Variants in KIAA1210 observed in about 807,000 individuals in gnomAD.
The protein encoded by KIAA1210 is KIAA1210, also known as acrosomal protein KIAA1210.
A neutral mutation model predicts 78.9 loss-of-function variants in KIAA1210; 48 were observed. The observed-to-expected ratio is 0.61, with a 90% CI of 0.48 to 0.77. The LOEUF is 0.77. KIAA1210 is among the 30% of genes least tolerant of loss of function. KIAA1210 has a pLI of 0.00. For synonymous variants in KIAA1210, 406 were observed against 404.5 expected (o/e 1.00, Z -0.04); for missense variants, 1,108 against 1,100.0 (o/e 1.01, Z -0.10).
In KIAA1210 at chrX:119,086,718, G is replaced by A. The variant is rs754496853; in HGVS notation, c.3984C>T (p.Pro1328=). 22 of 1,211,224 alleles carry A rather than the reference G, an allele frequency of 1.8e-5. 1 individual carries two copies. In the East Asian group the frequency reaches 6.5e-4, roughly 36 times the overall value. ...QDNFTQLASV[P]SGPISSSVGR... ...CTACAGAGGATGAAATTGGGCCCGA[G>A]GGCACTGAAGCAAGCTGGGTGAAGT... Residue 1328 remains proline, a synonymous_variant, in exon 9 of 12, where the codon CCC becomes CCT. Transcript: ENST00000691062.
chrX:119,095,482 G>A (rs894293634), intron 7 of KIAA1210, among the ~76,000 whole-genome samples: 17 of 111,026 alleles, frequency 1.5e-4, no homozygotes, highest in Admixed American at 9.6e-4. Flanking sequence ...TCCACCTCCC[G>A]GGTTCAAGCA....
intron 1 of KIAA1210, among the ~76,000 whole-genome samples, chrX:119,125,735 A>ATATATTT (rs5903546): frequency 6.3e-5 from 1 of 15,806 alleles, no homozygotes; most frequent in Non-Finnish European, 1.0e-4. Context: ...ATATATATAT[A>ATATATTT]TTTTTTTTTT....
At chrX:119,097,255 G>A (rs981774704) in intron 6 of KIAA1210, among the ~76,000 whole-genome samples, 6 of 111,658 alleles carry the variant, frequency 5.4e-5, no homozygotes, top group African/African-American at 2.0e-4. Flanking sequence ...GGAACTGAAT[G>A]CTCTAACCTC....
At position 119,087,731 on chromosome X, in the gene KIAA1210, C is replaced by T; in HGVS notation, c.2971G>A (p.Val991Ile). ...TCTAGTCGTGAGGTCATTTCCTGAA[C>T]TTTAGACCTCTTTAAGAACTGGGTA... ...YATQFLKRSKVQEMTSRLEKM... is the reference protein window; with the variant it reads ...YATQFLKRSKIQEMTSRLEKM... Residue 991 changes from valine (V) to isoleucine (I), a missense_variant, in exon 9 of 12, where the codon GTT (valine) becomes ATT (isoleucine). Val to Ile is a conservative substitution (Grantham distance 29, BLOSUM62 3). This residue lies in a region of KIAA1210 where 179 missense variants were observed against 174.1 expected (regional missense o/e 1.03). Transcript: ENST00000691062. 8.3e-7 allele frequency: 1 copy of T among 1,211,412 alleles called. No individual in the cohort carries two copies.
intron 2 of KIAA1210, among the ~76,000 whole-genome samples, chrX:119,119,180 T>C (rs1928367272): frequency 8.9e-6 from 1 of 112,615 alleles, no homozygotes; most frequent in Non-Finnish European, 1.9e-5. Context: ...TGAGCTAGTG[T>C]TAGGGACTCA....
intron 3 of KIAA1210, among the ~76,000 whole-genome samples, chrX:119,113,071 A>T (rs1928133059): frequency 8.9e-6 from 1 of 111,743 alleles, no homozygotes; most frequent in African/African-American, 3.3e-5. Flanking sequence ...TAATGAGTAC[A>T]AGAAGTCAAT....
In KIAA1210 at chrX:119,081,507, G is replaced by A. The variant is rs1276621624; in HGVS notation, c.4427-3C>T. The A allele has an allele frequency of 1.7e-6, 2 of 1,201,052 alleles. No individual in the cohort carries two copies. Among genetic ancestry groups the A allele is most frequent in the African/African-American group, 3.5e-5 (2 of 56,616 alleles). ...TATCTTCTGAGCTTCAAATCCAACT[G>A]GAACCACAGCAAATAACACACAAGC... On this transcript the variant is annotated splice_polypyrimidine_tract_variant and splice_region_variant and intron_variant, in intron 11 of 11. Transcript: ENST00000691062.
At chrX:119,141,549 A>G (rs7892463) in intron 2 of KIAA1210, among the ~76,000 whole-genome samples, 40,899 of 111,244 alleles carry the variant, frequency 0.37, 5,672 homozygotes, top group East Asian at 0.69. Context: ...TGTTTGTAGC[A>G]AGAAATATGG....
chrX:119,144,264 C>G (rs374610070), intron 2 of KIAA1210, among the ~76,000 whole-genome samples: 20 of 112,564 alleles, frequency 1.8e-4, no homozygotes, highest in African/African-American at 5.5e-4. Context: ...GGCCTAACAT[C>G]GTGAGGAACT....
At chrX:119,131,328 G>T (rs191534427), upstream of KIAA1210, among the ~76,000 whole-genome samples, 1 of 111,444 alleles carries the variant, frequency 9.0e-6, no homozygotes, top group Non-Finnish European at 1.9e-5. Context: ...TCACTTATAC[G>T]TGGGAGCTAA....
At chrX:119,135,541 G>A (rs1928891974) in intron 2 of KIAA1210, among the ~76,000 whole-genome samples, 1 of 111,580 alleles carries the variant, frequency 9.0e-6, no homozygotes, top group Non-Finnish European at 1.9e-5. Flanking sequence ...GAATTGAGGG[G>A]CCCTAAGGAT....
Position 119,087,928 on chromosome X carries a change from G to A in KIAA1210, c.2774C>T (p.Ser925Phe). Residue 925 changes from serine to phenylalanine, a missense_variant, in exon 9 of 12, where the codon TCT (serine) becomes TTT (phenylalanine). Physicochemically the swap from Ser to Phe is radical, Grantham distance 155 (BLOSUM62 -2). This residue lies in a region of KIAA1210 where 179 missense variants were observed against 174.1 expected (regional missense o/e 1.03). Coordinates refer to ENST00000691062, the MANE Select transcript of KIAA1210 (RefSeq NM_001394962.1). ...TPKFEELYQL[S>F]AHPESTTVEE... ...AACAGTAGTGCTTTCTGGATGTGCA[G>A]AGAGTTGATACAGTTCCTCAAATTT... 8.3e-7 allele frequency: 1 copy of A among 1,211,933 alleles called. No homozygotes were observed. The highest frequency in any genetic ancestry group is 1.8e-5 in the South Asian group (1 of 57,012).
At position 119,089,378 on chromosome X, in the gene KIAA1210, C is replaced by T. The variant is rs1927286980; in HGVS notation, c.1324G>A (p.Gly442Arg). 1.7e-6 allele frequency: 2 copies of T among 1,210,028 alleles called. No individual in the cohort carries two copies. Among genetic ancestry groups the T allele is most frequent in the Admixed American group, 2.2e-5 (1 of 45,815 alleles). ...AAATCTATGCCAGCATTTCTCCTTC[C>T]CATGTCATCTTTATCTGAAAGCAAC... is the stretch of plus-strand genomic sequence containing the variant. ...QGLLSDKDDM[G>R]RRNAGIDFGS... Residue 442 changes from glycine to arginine, a missense_variant, in exon 9 of 12, where the codon GGA becomes AGA. Around this residue, in one of 5 missense-constraint regions of KIAA1210, gnomAD observed 672 missense variants for 607.1 expected, o/e 1.11. Coordinates refer to ENST00000691062, the MANE Select transcript of KIAA1210 (RefSeq NM_001394962.1).
rs369428972 is a variant in KIAA1210, at chrX:119,088,086, C to T, written c.2616G>A (p.Pro872=). The T allele has an allele frequency of 4.5e-5, 55 of 1,209,031 alleles. No homozygotes were observed. The highest frequency in any genetic ancestry group is 5.5e-5 in the Non-Finnish European group (49 of 894,575). Reference sequence around the variant, plus strand: ...GCTGGGAAAGGCATCTGGGAGGCAGCGGTTCCACATAAGTGCCTTCCTCAA... The same window carrying T: ...GCTGGGAAAGGCATCTGGGAGGCAGTGGTTCCACATAAGTGCCTTCCTCAA... The part of the protein sequence containing the change: ...TAVEEGTYVE[P]LPPRCLSQPS... The change falls in exon 9 of 12, where the codon CCG becomes CCA. Residue 872 remains proline (P), a synonymous_variant. Coordinates refer to ENST00000691062, the MANE Select transcript of KIAA1210 (RefSeq NM_001394962.1).
upstream of KIAA1210, among the ~76,000 whole-genome samples, chrX:119,150,855 C>T (rs989593312): frequency 8.9e-6 from 1 of 112,779 alleles, no homozygotes; most frequent in Admixed American, 9.3e-5. Flanking sequence ...CGGTTAGGAG[C>T]CCCTGCAAGG....
Position 119,108,476 on chromosome X carries a change from G to T in KIAA1210, c.358-5C>A, listed in dbSNP as rs1381805595. 5.0e-6 allele frequency: 6 copies of T among 1,197,742 alleles called. No individual in the cohort carries two copies. In the South Asian group the frequency reaches 1.1e-4, roughly 22 times the overall value. ...AGTTCTGGAAATATGGGATCTCTGT[G>T]TAAGAGAGAGAGAAAAAAACTTGAG... On this transcript the variant is annotated splice_polypyrimidine_tract_variant and splice_region_variant and intron_variant, in intron 4 of 11. Transcript: ENST00000691062.
Position 119,147,594 on chromosome X carries a change from C to G in KIAA1210, c.290-1G>C. ...GCAGTGCCACAAAAGCATCCAGGTC[C>G]TGTTGAAATACACATTATCAGGAGT... On this transcript the variant is annotated splice_acceptor_variant, in intron 1 of 13. Coordinates refer to the KIAA1210 transcript ENST00000402510. LOFTEE classifies it high-confidence loss of function. 8.3e-7 allele frequency: 1 copy of G among 1,209,692 alleles called. No homozygotes were observed. The highest frequency in any genetic ancestry group is 1.1e-6 in the Non-Finnish European group (1 of 893,815).
rs187910478 is a variant in KIAA1210 at position 119,092,740 on chromosome X, G to A, written c.955+927C>T. Among the ~76,000 whole-genome samples the A allele has an allele frequency of 4.5e-3, 461 of 102,864 alleles. 1 individual carries two copies. Among genetic ancestry groups the A allele is most frequent in the Non-Finnish European group, 7.4e-3 (373 of 50,645 alleles). The allele number at this position is 102,864 out of a possible 115,157, so 89.3% of individuals were successfully genotyped here. A position where few individuals can be genotyped will look rare whatever the true frequency, so the allele number is the denominator to read the frequency against. On this transcript the variant is annotated intron_variant, in intron 8 of 11. Coordinates refer to ENST00000691062, the MANE Select transcript of KIAA1210 (RefSeq NM_001394962.1). The stretch of plus-strand genomic sequence containing the variant: ...CATGCCACTGCACTCCAGCCTGGGT[G>A]ACAGAGTGAGACTCCGTCTTAAATA...
chrX:119,093,883 C>A, intron 7 of KIAA1210, 108 bp from the exon 8 acceptor site: 3 of 859,080 alleles, frequency 3.5e-6, no homozygotes, highest in Non-Finnish European at 5.0e-6. Flanking sequence ...ATGCTGGGCA[C>A]GTAACAGTAC....
Sources: allele counts gnomAD v4.1 joint callset (sites outside exome capture counted in the v4.1 genomes callset), GRCh38; gene constraint gnomAD v4.1.1; regional missense constraint gnomAD v4.1.1; transcripts MANE v1.5; gene names NCBI Gene and HGNC (gene_info 2026-07-23, HGNC 2026-07-21).